HIF3A: variants seen among roughly 807,000 people sequenced by gnomAD.
HIF3A encodes hypoxia inducible factor 3 subunit alpha.
A neutral mutation model predicts 67.2 loss-of-function variants in HIF3A; 41 were observed. That is an observed-to-expected ratio of 0.61 (90% confidence interval 0.48 to 0.79). HIF3A has a LOEUF of 0.79. Among genes scored for constraint, HIF3A ranks in the 30% least tolerant of loss-of-function variants. The pLI, the probability that HIF3A is intolerant of heterozygous loss-of-function variation, is 0.00. For missense variants in HIF3A, 855 were observed against 898.0 expected (o/e 0.95, Z 0.61); for synonymous variants, 356 against 374.8 (o/e 0.95, Z 0.58).
At chr19:46,330,478 G>A (rs574375948) in intron 12 of HIF3A, among the ~76,000 whole-genome samples, 4 of 150,328 alleles carry the variant, frequency 2.7e-5, no homozygotes, top group African/African-American at 7.5e-5. Flanking sequence ...TGGATGAATC[G>A]GATGGATGGA....
intron 1 of HIF3A, chr19:46,298,476 C>T (rs1204192997): frequency 1.6e-6 from 2 of 1,286,762 alleles, no homozygotes; most frequent in Non-Finnish European, 2.0e-6. Flanking sequence ...CTCCTGCACC[C>T]CCTGGATGGC....
At position 46,334,965 on chromosome 19, in the gene HIF3A, C is replaced by CTG. The variant is rs1309809416; in HGVS notation, c.1892_1893dup (p.Asn632Ter). The CTG allele has an allele frequency of 1.2e-6, 2 of 1,606,846 alleles. No homozygotes were observed. Among genetic ancestry groups the CTG allele is most frequent in the Admixed American group, 3.4e-5 (2 of 58,750 alleles). Reference sequence around the variant, plus strand: ...CCTGCAGGACCCCAGCACCCCACTCCTGAACCTGAATGAGCCCCTGGGTGA... The same window carrying CTG: ...CCTGCAGGACCCCAGCACCCCACTCCTGTGAACCTGAATGAGCCCCTGGGTGA... On this transcript the variant is annotated frameshift_variant, in exon 14 of 15. Coordinates refer to ENST00000377670, the MANE Select transcript of HIF3A (RefSeq NM_152795.4). LOFTEE classifies it high-confidence loss of function.
intron 11 of HIF3A, 194 bp from the exon 12 acceptor site, chr19:46,329,013 C>A: frequency 2.1e-6 from 1 of 485,786 alleles, no homozygotes. Flanking sequence ...TGTGAGCTAC[C>A]ATGCTTCTGA....
intron 10 of HIF3A, among the ~76,000 whole-genome samples, chr19:46,322,630 A>G (rs1386121377): frequency 1.3e-5 from 2 of 151,876 alleles, no homozygotes; most frequent in Non-Finnish European, 2.9e-5. Flanking sequence ...TAGTAGAGGC[A>G]GGGTTTCACC....
chr19:46,326,366 C>A (rs1217033299), intron 11 of HIF3A, among the ~76,000 whole-genome samples: 1 of 152,216 alleles, frequency 6.6e-6, no homozygotes, highest in East Asian at 1.9e-4. Flanking sequence ...AAGACACAGT[C>A]TTTCATGGCC....
At chr19:46,316,304 G>A (rs772516988) in intron 8 of HIF3A, among the ~76,000 whole-genome samples, 8 of 152,160 alleles carry the variant, frequency 5.3e-5, no homozygotes, top group Non-Finnish European at 8.8e-5. Flanking sequence ...CATCAGTAAC[G>A]TATGGGGGTT....
chr19:46,324,777 C>A (rs1023718107), intron 10 of HIF3A, among the ~76,000 whole-genome samples: 3 of 151,196 alleles, frequency 2.0e-5, no homozygotes, highest in African/African-American at 7.3e-5. Context: ...TCACTTGAAT[C>A]CAGGAGGTGG....
chr19:46,320,325 C>T, intron 8 of HIF3A, 118 bp from the exon 9 acceptor site: 2 of 709,582 alleles, frequency 2.8e-6, no homozygotes, highest in African/African-American at 3.5e-5. Flanking sequence ...CTGCAAAATG[C>T]CCTCCAAGCC....
chr19:46,303,498 G>A, intron 1 of HIF3A: 3 of 839,174 alleles, frequency 3.6e-6, no homozygotes, highest in Non-Finnish European at 5.5e-6. Context: ...CCTCTCCTTC[G>A]TGGGCCCTCC....
intron 11 of HIF3A, among the ~76,000 whole-genome samples, chr19:46,326,404 T>G (rs2147260829): frequency 6.6e-6 from 1 of 152,174 alleles, no homozygotes; most frequent in East Asian, 1.9e-4. Context: ...AATCATCGCT[T>G]CTGCCATATT....
chr19:46,312,865 G>T, intron 8 of HIF3A: 1 of 1,191,054 alleles, frequency 8.4e-7, no homozygotes, highest in East Asian at 4.0e-5. Flanking sequence ...GTATGTGTAT[G>T]GGTGTGTAGA....
Position 46,297,096 on chromosome 19 carries a change from G to A in HIF3A, c.20G>A (p.Arg7His), listed in dbSNP as rs1967910747. 1 of 1,287,288 alleles carries A rather than the reference G, an allele frequency of 7.8e-7. No homozygotes were observed. The highest frequency in any genetic ancestry group is 9.9e-7 in the Non-Finnish European group (1 of 1,005,956). The allele number at this position is 1,287,288 out of a possible 1,614,324, so 79.7% of individuals were successfully genotyped here. MALGLQ[R>H]ARSTTELRKE... ...CGAGCCATGGCGCTGGGGCTGCAGC[G>A]CGCAAGGTACTGAAGTTCGGGGGCA... The change falls in exon 1 of 15, where the codon CGC (arginine) becomes CAC (histidine). Residue 7 changes from arginine (R) to histidine (H), a missense_variant. By Grantham distance (29) the Arg-to-His change is conservative. This residue lies in a region of HIF3A where 638 missense variants were observed against 660.5 expected (regional missense o/e 0.97). Coordinates refer to ENST00000377670, the MANE Select transcript of HIF3A (RefSeq NM_152795.4). The surrounding 1 kb of genome is among the most constrained non-coding windows in gnomAD (Gnocchi z 4.5).
intron 2 of HIF3A, chr19:46,304,960 T>G (rs1968701493): frequency 2.0e-6 from 1 of 490,604 alleles, no homozygotes; most frequent in East Asian, 4.1e-5. Flanking sequence ...TAGAATTCTG[T>G]CCTCCTAGGA....
intron 8 of HIF3A, among the ~76,000 whole-genome samples, chr19:46,318,936 A>G (rs760326255): frequency 2.8e-4 from 42 of 152,196 alleles, no homozygotes; most frequent in Admixed American, 7.9e-4. Flanking sequence ...TTAACAATAC[A>G]TTTTATTTTC....
chr19:46,304,077 T>C lies in HIF3A; in HGVS notation c.206T>C (p.Leu69Pro). ...ATCAGCTACCTGCGCATGCACCGCC[T>C]CTGCGCCGCAGGTGAGCCCCGCCCG... is the stretch of plus-strand genomic sequence containing the variant. ...LTISYLRMHRLCAAGEWNQVG... is the reference protein window; with the variant it reads ...LTISYLRMHRPCAAGEWNQVG... Residue 69 changes from leucine (L) to proline (P), a missense_variant, in exon 2 of 15, where the codon CTC becomes CCC. By Grantham distance (98) the Leu-to-Pro change is moderately conservative (BLOSUM62 -3). Transcript: ENST00000377670. 1 of 1,568,500 alleles carries C rather than the reference T, an allele frequency of 6.4e-7. No homozygotes were observed. Among genetic ancestry groups the C allele is most frequent in the Non-Finnish European group, 8.6e-7 (1 of 1,158,516 alleles).
At chr19:46,320,178 C>T (rs1353282236) in intron 8 of HIF3A, 4 of 308,280 alleles carry the variant, frequency 1.3e-5, no homozygotes, top group Admixed American at 4.9e-5. Flanking sequence ...TGCAGTGAGC[C>T]GAGATCGCGC....
chr19:46,329,471 C>T lies in HIF3A; in HGVS notation c.1705C>T (p.Arg569Trp), dbSNP rs140829009. The T allele has an allele frequency of 7.9e-6, 12 of 1,515,472 alleles. No homozygotes were observed. The highest frequency in any genetic ancestry group is 1.8e-4 in the Middle Eastern group (1 of 5,444). 93.9% of individuals were successfully genotyped at this position (1,515,472 alleles called of 1,614,324 possible). The part of the protein sequence containing the change: ...PSASSPMAGA[R>W]KRTLAQSSED... ...AGCATCCTCTCCCATGGCTGGGGCT[C>T]GGAAGAGGTGAGCCACAGTAAAGGG... is the stretch of plus-strand genomic sequence containing the variant. Residue 569 changes from arginine (R) to tryptophan (W), a missense_variant, in exon 12 of 15, where the codon CGG (arginine) becomes TGG (tryptophan). Coordinates refer to ENST00000377670, the MANE Select transcript of HIF3A (RefSeq NM_152795.4).
intron 9 of HIF3A, among the ~76,000 whole-genome samples, chr19:46,321,429 CA>C: frequency 6.6e-6 from 1 of 152,062 alleles, no homozygotes; most frequent in East Asian, 1.9e-4. Context: ...ATAAAAAATA[CA>C]AAACTTAGCT....
intron 13 of HIF3A, among the ~76,000 whole-genome samples, chr19:46,334,108 T>C (rs1371044727): frequency 1.3e-5 from 2 of 148,578 alleles, no homozygotes; most frequent in Non-Finnish European, 3.0e-5. Context: ...TCTTTCTTTT[T>C]TGAGATGGAG....
Sources: allele counts gnomAD v4.1 joint callset (sites outside exome capture counted in the v4.1 genomes callset), GRCh38; gene constraint gnomAD v4.1.1; regional missense constraint gnomAD v4.1.1; non-coding constraint Gnocchi (gnomAD v3.1); transcripts MANE v1.5; gene names NCBI Gene and HGNC (gene_info 2026-07-23, HGNC 2026-07-21).